NUP133: variants seen among roughly 807,000 people sequenced by gnomAD.
NUP133 encodes the protein nucleoporin 133.
NUP133 carries 66 observed loss-of-function variants against 146.2 expected under a neutral mutation model. The observed-to-expected ratio is 0.45, with a 90% CI of 0.37 to 0.55. NUP133 has a LOEUF of 0.55. Ranked by LOEUF, NUP133 falls within the 20% of genes least tolerant of loss-of-function variation. NUP133 has a pLI of 0.00. For synonymous variants in NUP133, 521 were observed against 498.8 expected (o/e 1.04, Z -0.59); for missense variants, 1,277 against 1,374.8 (o/e 0.93, Z 1.12).
chr1:229,456,030 A>C (rs1039418001), intron 21 of NUP133, among the ~76,000 whole-genome samples: 1 of 152,092 alleles, frequency 6.6e-6, no homozygotes, highest in Admixed American at 6.6e-5. Flanking sequence ...ATGTTGGTAA[A>C]GTTTTTGAAG....
intron 20 of NUP133, among the ~76,000 whole-genome samples, chr1:229,458,710 C>A: frequency 7.0e-6 from 1 of 142,282 alleles, no homozygotes; most frequent in African/African-American, 2.7e-5. Context: ...TGATGGACTA[C>A]ATTTTTTTTT....
intron 19 of NUP133, 84 bp from the exon 20 acceptor site, chr1:229,460,853 G>T: frequency 8.4e-7 from 1 of 1,192,252 alleles, no homozygotes; most frequent in Non-Finnish European, 1.2e-6. Context: ...TGTTCTAAAG[G>T]CCTCCAAAAC....
At chr1:229,501,807 G>A (rs896564767) in intron 3 of NUP133, among the ~76,000 whole-genome samples, 192 bp downstream of exon 3, 19 of 151,994 alleles carry the variant, frequency 1.3e-4, no homozygotes, top group African/African-American at 4.6e-4. Flanking sequence ...TTCAAAAGGG[G>A]GAAACTTTTT....
chr1:229,464,705 C>A lies in NUP133; in HGVS notation c.2470G>T (p.Asp824Tyr). ...DGYVSQLKSV[D>Y]KSSNRERYDN... ...TATCTTTCCCGATTACTGGATTTAT[C>A]CACAGACTTAAGCTGAGAAACATAA... Residue 824 changes from aspartate to tyrosine, a missense_variant, in exon 18 of 26, where the codon GAT (aspartate) becomes TAT (tyrosine). Around this residue, in one of 3 missense-constraint regions of NUP133, gnomAD observed 952 missense variants for 1,047.0 expected, o/e 0.91. Coordinates refer to ENST00000261396, the MANE Select transcript of NUP133 (RefSeq NM_018230.3). 1 of 1,614,186 alleles carries A rather than the reference C, an allele frequency of 6.2e-7. No individual in the cohort carries two copies. The highest frequency in any genetic ancestry group is 8.5e-7 in the Non-Finnish European group (1 of 1,180,046).
intron 14 of NUP133, among the ~76,000 whole-genome samples, chr1:229,474,291 A>G (rs1046508048): frequency 3.3e-5 from 5 of 152,212 alleles, no homozygotes. Context: ...GTTTTAAGCC[A>G]CTGTGTTTTG....
intron 12 of NUP133, among the ~76,000 whole-genome samples, chr1:229,479,890 A>G (rs1206534644): frequency 6.6e-6 from 1 of 152,234 alleles, no homozygotes; most frequent in Non-Finnish European, 1.5e-5. Context: ...GAACAAACAG[A>G]TAAGGTGGTA....
In NUP133 at chr1:229,462,280, A is replaced by C. The variant is rs193264198; in HGVS notation, c.2685+1263T>G. ...TGTAGAATATTTAATGACATGAACA[A>C]ATGTTTGCAATGTATCAAGTGAAAA... On this transcript the variant is annotated intron_variant, in intron 19 of 25. Transcript: ENST00000261396. Among the ~76,000 whole-genome samples, 6 of 152,338 alleles carry C rather than the reference A, an allele frequency of 3.9e-5. No homozygotes were observed. The East Asian group carries it at 1.2e-3, about 29-fold the overall frequency.
intron 12 of NUP133, among the ~76,000 whole-genome samples, chr1:229,480,872 T>A (rs1661194809): frequency 6.7e-6 from 1 of 150,128 alleles, no homozygotes; most frequent in Middle Eastern, 3.5e-3. Flanking sequence ...TTTTTTTTTT[T>A]TAAGAAGAGA....
intron 24 of NUP133, among the ~76,000 whole-genome samples, chr1:229,447,178 A>G (rs1367946352): frequency 6.6e-6 from 1 of 152,214 alleles, no homozygotes; most frequent in African/African-American, 2.4e-5. Flanking sequence ...GACAACCTAA[A>G]TTTTAAAATC....
At chr1:229,497,749 T>C (rs528828067) in intron 6 of NUP133, among the ~76,000 whole-genome samples, 2 of 152,338 alleles carry the variant, frequency 1.3e-5, no homozygotes, top group East Asian at 3.9e-4. Context: ...TGCTAGAGTA[T>C]GGTGCAGAGA....
At chr1:229,470,861 C>T (rs1369153670) in intron 14 of NUP133, 57 bp from the exon 15 acceptor site, 22 of 1,513,114 alleles carry the variant, frequency 1.5e-5, no homozygotes, top group Non-Finnish European at 2.0e-5. Context: ...ATGCAAAATA[C>T]CATAGCTGTA....
In NUP133 at chr1:229,452,646, A is replaced by G. The variant is rs1660478425; in HGVS notation, c.2981-3T>C. ...AAAGCGCTCCTGCTCAGCCATTTCT[A>G]GTATTCAAGATGAGAGGGAGGGAAA... is the stretch of plus-strand genomic sequence containing the variant. On this transcript the variant is annotated splice_region_variant and splice_polypyrimidine_tract_variant and intron_variant, in intron 21 of 25. Coordinates refer to ENST00000261396, the MANE Select transcript of NUP133 (RefSeq NM_018230.3). The G allele has an allele frequency of 1.2e-6, 2 of 1,602,098 alleles. No homozygotes were observed. The highest frequency in any genetic ancestry group is 1.3e-5 in the African/African-American group (1 of 74,734).
intron 2 of NUP133, among the ~76,000 whole-genome samples, chr1:229,505,428 T>G (rs1486095828): frequency 6.6e-6 from 1 of 151,966 alleles, no homozygotes; most frequent in Non-Finnish European, 1.5e-5. Context: ...AGGCATCCAC[T>G]GGGGATCCTG....
rs191333595 is a variant in NUP133, at chr1:229,456,778, C to T, written c.2980+1383G>A. ...ATACACACAATTTTATATATACACA[C>T]ACACATTTTATTATGTATATCTATC... is the stretch of plus-strand genomic sequence containing the variant. On this transcript the variant is annotated intron_variant, in intron 21 of 25. Coordinates refer to ENST00000261396, the MANE Select transcript of NUP133 (RefSeq NM_018230.3). Among the ~76,000 whole-genome samples, 254 of 150,994 alleles carry T rather than the reference C, an allele frequency of 1.7e-3. 2 individuals are homozygous for T. Among genetic ancestry groups the T allele is most frequent in the African/African-American group, 5.7e-3 (235 of 41,102 alleles).
chr1:229,448,245 A>G (rs1047839317), intron 24 of NUP133, among the ~76,000 whole-genome samples: 19 of 152,280 alleles, frequency 1.2e-4, no homozygotes, highest in African/African-American at 3.9e-4. Flanking sequence ...CCTGACAAAC[A>G]TGGTGAAACC....
At chr1:229,442,777 C>T (rs1013582635) in intron 25 of NUP133, among the ~76,000 whole-genome samples, 1 of 149,458 alleles carries the variant, frequency 6.7e-6, no homozygotes, top group African/African-American at 2.5e-5. Context: ...GCGATCTCGG[C>T]TCACAGCAAC....
intron 19 of NUP133, 45 bp from the exon 20 acceptor site, chr1:229,460,814 AAC>A (rs754240190): frequency 1.3e-6 from 2 of 1,522,546 alleles, no homozygotes; most frequent in Non-Finnish European, 1.8e-6. Flanking sequence ...AGTTTAAAAA[AAC>A]ACATTTCTGA....
intron 16 of NUP133, among the ~76,000 whole-genome samples, chr1:229,465,737 A>T (rs1033960888): frequency 1.8e-4 from 27 of 152,142 alleles, no homozygotes; most frequent in East Asian, 7.7e-4. Context: ...AAAAATTTTT[A>T]AAATTACCTG....
chr1:229,453,520 T>C (rs556801769), intron 21 of NUP133, among the ~76,000 whole-genome samples: 4 of 152,086 alleles, frequency 2.6e-5, no homozygotes, highest in African/African-American at 9.7e-5. Context: ...CTTACTGCAA[T>C]AGGAAATTTA....
Sources: gnomAD v4.1 joint callset for allele counts (sites outside exome capture counted in the v4.1 genomes callset) on GRCh38, gnomAD v4.1.1 for gene constraint, gnomAD v4.1.1 regional missense constraint, MANE v1.5 for transcripts, NCBI Gene and HGNC (gene_info 2026-07-23, HGNC 2026-07-21) for gene names.